MTMR3: variants seen among roughly 807,000 people sequenced by gnomAD.
MTMR3 encodes the protein myotubularin related protein 3.
In MTMR3, 32 loss-of-function variants were observed where a neutral mutation model predicts 132.4. That is an observed-to-expected ratio of 0.24 (90% CI 0.18 to 0.32). The LOEUF is 0.32. Among genes scored for constraint, MTMR3 ranks in the 10% least tolerant of loss-of-function variants. The pLI is 1.00. For missense variants in MTMR3, 1,216 were observed against 1,489.6 expected (o/e 0.82, Z 3.02); for synonymous variants, 556 against 550.3 (o/e 1.01, Z -0.14).
At chr22:30,001,345 CAT>C (rs1275364540) in intron 8 of MTMR3, 1 of 152,466 alleles carries the variant, frequency 6.6e-6, no homozygotes, top group Non-Finnish European at 1.5e-5. Context: ...GAACCGAGAT[CAT>C]GCCACTGCAT....
At chr22:29,948,205 T>G (rs1464567029) in intron 1 of MTMR3, among the ~76,000 whole-genome samples, 1 of 152,252 alleles carries the variant, frequency 6.6e-6, no homozygotes, top group African/African-American at 2.4e-5. Flanking sequence ...AGTTAAAAAT[T>G]CAAATCTGTT....
intron 11 of MTMR3, chr22:30,008,255 G>T: frequency 2.1e-6 from 1 of 487,042 alleles, no homozygotes; most frequent in Non-Finnish European, 3.6e-6. Context: ...TTCCTTCCTT[G>T]TGCCAACTTG....
chr22:29,954,466 A>G (rs897171215), intron 1 of MTMR3, among the ~76,000 whole-genome samples: 3 of 152,050 alleles, frequency 2.0e-5, no homozygotes, highest in African/African-American at 7.2e-5. Flanking sequence ...TCACAATGAC[A>G]CACTGTTTCT....
intron 1 of MTMR3, among the ~76,000 whole-genome samples, chr22:29,893,916 G>C (rs1419334111): frequency 6.6e-6 from 1 of 152,152 alleles, no homozygotes; most frequent in African/African-American, 2.4e-5. Context: ...CGTGATCTCA[G>C]CTCACTGCAA....
chr22:29,884,396 A>G (rs1340472608), intron 1 of MTMR3, among the ~76,000 whole-genome samples: 3 of 152,056 alleles, frequency 2.0e-5, no homozygotes, highest in African/African-American at 7.2e-5. Context: ...TTTCAATGTG[A>G]AATGTTTGTG....
intron 1 of MTMR3, among the ~76,000 whole-genome samples, chr22:29,946,325 G>C (rs1001133668): frequency 6.6e-6 from 1 of 152,122 alleles, no homozygotes; most frequent in African/African-American, 2.4e-5. Context: ...TAGAGGTAAA[G>C]GTGCTAGATT....
At chr22:29,904,748 G>A (rs2065063308) in intron 1 of MTMR3, among the ~76,000 whole-genome samples, 1 of 152,188 alleles carries the variant, frequency 6.6e-6, no homozygotes, top group East Asian at 1.9e-4. Context: ...ATTCAAAGAT[G>A]ATAGAATAAG....
Position 29,919,236 on chromosome 22 carries a change from G to C in MTMR3, c.-138+35877G>C, listed in dbSNP as rs75544397. Among the ~76,000 whole-genome samples the C allele has an allele frequency of 4.5e-3, 681 of 152,014 alleles. 6 individuals are homozygous for C. The highest frequency in any genetic ancestry group is 0.016 in the African/African-American group (643 of 41,462). ...TTCTGGGGGAAAAAGTTTTCTCTAG[G>C]TCTCATCTCTCAATTCTTTAGCAAG... On this transcript the variant is annotated intron_variant, in intron 1 of 19. Coordinates refer to ENST00000401950, the MANE Select transcript of MTMR3 (RefSeq NM_021090.4).
intron 8 of MTMR3, chr22:30,000,487 A>C (rs5752996): frequency 6.6e-6 from 1 of 151,564 alleles, no homozygotes; most frequent in African/African-American, 2.4e-5. Flanking sequence ...AAAAAAAAAA[A>C]ATATATATAT....
At position 29,978,437 on chromosome 22, in the gene MTMR3, T is replaced by TC. The variant is rs1224570295; in HGVS notation, c.4-3dup. ...AAATTATTTTAAGGTTTTGGACTTT[T>TC]CCAGGATGAAGAGACTCGGCACAGC... is the stretch of plus-strand genomic sequence containing the variant. On this transcript the variant is annotated splice_region_variant and splice_polypyrimidine_tract_variant and intron_variant, in intron 3 of 19. Coordinates refer to ENST00000401950, the MANE Select transcript of MTMR3 (RefSeq NM_021090.4). 6.2e-7 allele frequency: 1 copy of TC among 1,607,108 alleles called. No homozygotes were observed. Among genetic ancestry groups the TC allele is most frequent in the Non-Finnish European group, 8.5e-7 (1 of 1,175,726 alleles).
intron 1 of MTMR3, among the ~76,000 whole-genome samples, chr22:29,926,320 C>A (rs1397156728): frequency 6.6e-6 from 1 of 152,120 alleles, no homozygotes; most frequent in East Asian, 1.9e-4. Context: ...TATTATTTTA[C>A]TATTGTGAAT....
rs1378628288 is a variant in MTMR3 at position 30,028,168 on chromosome 22, C to T, written c.*2367C>T. 1 of 152,390 alleles carries T rather than the reference C, an allele frequency of 6.6e-6. No individual in the cohort carries two copies. Among genetic ancestry groups the T allele is most frequent in the Non-Finnish European group, 1.5e-5 (1 of 68,062 alleles). 9.4% of individuals were successfully genotyped at this position (152,390 alleles called of 1,614,324 possible). On this transcript the variant is annotated 3_prime_UTR_variant, in exon 20 of 20. Transcript: ENST00000401950. ...TCCCATCAGTAGTCATTACAACTAC[C>T]TCTCGCCTCAAGGCTCCATTTTTAG...
intron 5 of MTMR3, 150 bp from the exon 6 acceptor site, chr22:29,988,330 A>T: frequency 2.2e-6 from 1 of 452,424 alleles, no homozygotes; most frequent in Non-Finnish European, 4.0e-6. Context: ...GTAGTAAATC[A>T]CTTGAGTACT....
In MTMR3 at chr22:29,937,419, AT is replaced by A. The variant is rs5844882; in HGVS notation, c.-137-19603del. ...TTTTTTCTTTCAAAAAACTTTGCAG[AT>A]TTTTTTTTTTTTTGAGTCAGGGTCT... is the stretch of plus-strand genomic sequence containing the variant. On this transcript the variant is annotated intron_variant, in intron 1 of 19. Transcript: ENST00000401950. Among the ~76,000 whole-genome samples, 581 of 144,206 alleles carry A rather than the reference AT, an allele frequency of 4.0e-3. 9 individuals carry two copies. Among genetic ancestry groups the A allele is most frequent in the Admixed American group, 0.026 (370 of 14,484 alleles). 94.6% of individuals were successfully genotyped at this position (144,206 alleles called of 152,430 possible).
intron 3 of MTMR3, among the ~76,000 whole-genome samples, chr22:29,971,787 G>C (rs1421619628): frequency 6.6e-6 from 1 of 152,030 alleles, no homozygotes; most frequent in Non-Finnish European, 1.5e-5. Context: ...CAACAAGCCA[G>C]CCACATTTTC....
At chr22:29,890,016 C>T (rs1398302881) in intron 1 of MTMR3, among the ~76,000 whole-genome samples, 14 of 150,530 alleles carry the variant, frequency 9.3e-5, no homozygotes, top group Admixed American at 4.7e-4. Context: ...AAGCGATTCT[C>T]CTGCCTCAGC....
rs1375234798 is a variant in MTMR3 at position 29,896,910 on chromosome 22, C to T, written c.-138+13551C>T. Among the ~76,000 whole-genome samples the T allele has an allele frequency of 2.0e-5, 3 of 150,552 alleles. No homozygotes were observed. In the East Asian group the frequency reaches 5.8e-4, roughly 29 times the overall value. On this transcript the variant is annotated intron_variant, in intron 1 of 19. Transcript: ENST00000401950. ...ACACACACACACACACACATACACA[C>T]ACACAAATCCCATATAGAATCTACA...
chr22:30,022,006 C>T, intron 17 of MTMR3, 23 bp from the exon 18 acceptor site: 1 of 1,570,956 alleles, frequency 6.4e-7, no homozygotes, highest in Non-Finnish European at 8.8e-7. Context: ...TCATTCTGTT[C>T]AGCTGTGTTT....
intron 1 of MTMR3, among the ~76,000 whole-genome samples, chr22:29,931,517 C>T (rs752438789): frequency 2.0e-5 from 3 of 152,266 alleles, no homozygotes; most frequent in African/African-American, 2.4e-5. Flanking sequence ...TGGGTTCAAG[C>T]GATTCTTCTG....
Sources: allele counts gnomAD v4.1 joint callset (sites outside exome capture counted in the v4.1 genomes callset), GRCh38; gene constraint gnomAD v4.1.1; transcripts MANE v1.5; gene names NCBI Gene and HGNC (gene_info 2026-07-23, HGNC 2026-07-21).